The following DNAJA3 variants were observed in gnomAD, a reference collection of about 807,000 sequenced individuals.
DNAJA3 encodes dnaJ homolog subfamily A member 3, mitochondrial.
Under a neutral mutation model 54.9 loss-of-function variants are expected in DNAJA3, and 29 were observed. That is an observed-to-expected ratio of 0.53 (90% CI 0.39 to 0.72). DNAJA3 has a LOEUF of 0.72. DNAJA3 is among the 30% of genes least tolerant of loss of function. The probability of loss-of-function intolerance (pLI) is 0.00; values close to 1 mark genes in which losing one functional copy is unlikely to be tolerated. For synonymous variants in DNAJA3, 302 were observed against 251.4 expected, an observed-to-expected ratio of 1.20 and a Z score of -1.90; for missense variants, 708 against 639.4, an observed-to-expected ratio of 1.11 and a Z score of -1.16.
intron 10 of DNAJA3, among the ~76,000 whole-genome samples, chr16:4,452,864 C>T (rs1228942373): frequency 3.3e-5 from 5 of 152,142 alleles, no homozygotes. Context: ...TGAGTCATGA[C>T]AGCGACACTG....
intron 1 of DNAJA3, among the ~76,000 whole-genome samples, chr16:4,429,697 G>C (rs1246915573): frequency 6.6e-6 from 1 of 152,168 alleles, no homozygotes; most frequent in African/African-American, 2.4e-5. Flanking sequence ...AGCCAGGCCT[G>C]GTGGCGCATG....
intron 3 of DNAJA3, among the ~76,000 whole-genome samples, chr16:4,438,308 C>T (rs1055051879): frequency 4.6e-5 from 7 of 151,234 alleles, no homozygotes; most frequent in African/African-American, 1.7e-4. Context: ...CAGAGCAAGA[C>T]CCCGTCTCAA....
At position 4,454,927 on chromosome 16, in the gene DNAJA3, G is replaced by A. The variant is rs202163191; in HGVS notation, c.*13G>A. On this transcript the variant is annotated splice_region_variant and 3_prime_UTR_variant, in exon 11 of 12. Transcript: ENST00000262375. ...GTTTACCTCATGATATCCCAGCCGA[G>A]GTAGGAAAACCCTGGAGGTTTTTTT... 20 of 1,603,536 alleles carry A rather than the reference G, an allele frequency of 1.2e-5. No homozygotes were observed. In the Admixed American group the frequency reaches 2.7e-4, roughly 21 times the overall value.
chr16:4,445,670 G>A (rs1414052582), intron 7 of DNAJA3, among the ~76,000 whole-genome samples: 5 of 152,152 alleles, frequency 3.3e-5, no homozygotes. Context: ...TCCCACCTCA[G>A]CCTCCTGAGT....
At chr16:4,449,091 G>C (rs2056944126) in intron 9 of DNAJA3, among the ~76,000 whole-genome samples, 2 of 151,910 alleles carry the variant, frequency 1.3e-5, no homozygotes, top group Non-Finnish European at 2.9e-5. Flanking sequence ...CCGCTTCCCA[G>C]GTTCAAGCGA....
chr16:4,430,271 A>C (rs1340916444), intron 1 of DNAJA3, among the ~76,000 whole-genome samples: 1 of 152,042 alleles, frequency 6.6e-6, no homozygotes, highest in Non-Finnish European at 1.5e-5. Flanking sequence ...AAGCAGAAAG[A>C]AAGCAGTTGT....
intron 7 of DNAJA3, among the ~76,000 whole-genome samples, chr16:4,445,945 A>G (rs1462982505): frequency 1.3e-5 from 2 of 150,644 alleles, no homozygotes; most frequent in Admixed American, 6.7e-5. Context: ...TTCTGGAAAG[A>G]GAGTCTTGCT....
intron 10 of DNAJA3, 41 bp from the exon 11 acceptor site, chr16:4,454,770 G>A (rs781101300): frequency 1.1e-5 from 17 of 1,479,258 alleles, no homozygotes; most frequent in Admixed American, 1.7e-5. Flanking sequence ...CTGTGGAAGT[G>A]CAGGCCCATG....
In DNAJA3 at chr16:4,448,774, T is replaced by A. The variant is rs1281815698; in HGVS notation, c.1167T>A (p.Gly389=). The change falls in exon 9 of 12, where the codon GGT becomes GGA. Residue 389 remains glycine (G), a synonymous_variant. Coordinates refer to ENST00000262375, the MANE Select transcript of DNAJA3 (RefSeq NM_005147.6). ...GTQTDQKIRM[G]GKGIPRINSY... ...AGACAGACCAGAAGATTCGGATGGG[T>A]GGGAAAGGCATCCCCCGGATTAACA... 6.2e-7 allele frequency: 1 copy of A among 1,614,096 alleles called. No homozygotes were observed.
intron 7 of DNAJA3, among the ~76,000 whole-genome samples, chr16:4,446,497 G>A (rs1315806566): frequency 1.3e-5 from 2 of 151,854 alleles, no homozygotes; most frequent in Non-Finnish European, 2.9e-5. Flanking sequence ...ACTCACCTTG[G>A]CCTCCCAAAG....
Position 4,437,466 on chromosome 16 carries a change from A to G in DNAJA3, c.410A>G (p.Gln137Arg). Residue 137 changes from glutamine to arginine, a missense_variant, in exon 3 of 12, where the codon CAG becomes CGG. Transcript: ENST00000262375. Reference sequence around the variant, plus strand: ...CCCAAAGCCAAGGAGAAGTTCTCCCAGCTGGCAGAAGCCTATGAGGTAATA... The same window carrying G: ...CCCAAAGCCAAGGAGAAGTTCTCCCGGCTGGCAGAAGCCTATGAGGTAATA... ...DDPKAKEKFS[Q>R]LAEAYEVLSD... 6.2e-7 allele frequency: 1 copy of G among 1,614,068 alleles called. No individual in the cohort carries two copies. The highest frequency in any genetic ancestry group is 8.5e-7 in the Non-Finnish European group (1 of 1,179,994).
intron 3 of DNAJA3, among the ~76,000 whole-genome samples, chr16:4,440,088 C>G (rs2056820685): frequency 6.6e-6 from 1 of 151,906 alleles, no homozygotes; most frequent in Non-Finnish European, 1.5e-5. Context: ...TAGGCGTGCA[C>G]CACCATTCTT....
intron 11 of DNAJA3, 62 bp from the exon 12 acceptor site, chr16:4,455,484 C>A (rs757114353): frequency 1.9e-6 from 3 of 1,540,544 alleles, no homozygotes; most frequent in Non-Finnish European, 2.6e-6. Context: ...CAGACGCTCC[C>A]CACAGGGGTG....
intron 1 of DNAJA3, among the ~76,000 whole-genome samples, chr16:4,432,205 A>C (rs1392701123): frequency 6.7e-6 from 1 of 149,550 alleles, no homozygotes; most frequent in South Asian, 2.1e-4. Context: ...ATTTATTTTT[A>C]ATAGAGACAG....
intron 10 of DNAJA3, among the ~76,000 whole-genome samples, chr16:4,451,475 G>T (rs1041366226): frequency 6.6e-6 from 1 of 151,962 alleles, no homozygotes; most frequent in Non-Finnish European, 1.5e-5. Flanking sequence ...AGCAGCTGCC[G>T]GCCGGGCGCA....
At chr16:4,434,354 GA>G in intron 1 of DNAJA3, 29 bp from the exon 2 acceptor site, 1 of 1,608,760 alleles carries the variant, frequency 6.2e-7, no homozygotes, top group Non-Finnish European at 8.5e-7. Flanking sequence ...AACATTCCCA[GA>G]GTGATTTTCT....
intron 1 of DNAJA3, among the ~76,000 whole-genome samples, chr16:4,431,426 C>A (rs1011536756): frequency 3.3e-5 from 5 of 152,180 alleles, no homozygotes; most frequent in African/African-American, 1.2e-4. Context: ...GGATTTATTT[C>A]CTATTTCTAA....
intron 3 of DNAJA3, among the ~76,000 whole-genome samples, chr16:4,439,173 CA>C (rs1470293946): frequency 4.6e-5 from 7 of 151,820 alleles, no homozygotes; most frequent in Non-Finnish European, 1.0e-4. Context: ...CCAGCCTGAG[CA>C]ATATGGTGAA....
chr16:4,452,870 C>T (rs1014524513), intron 10 of DNAJA3, among the ~76,000 whole-genome samples: 3 of 152,152 alleles, frequency 2.0e-5, no homozygotes, highest in Non-Finnish European at 4.4e-5. Context: ...ATGACAGCGA[C>T]ACTGTACTCC....
Sources: gnomAD v4.1 joint callset for allele counts (sites outside exome capture counted in the v4.1 genomes callset) on GRCh38, gnomAD v4.1.1 for gene constraint, MANE v1.5 for transcripts, NCBI Gene and HGNC (gene_info 2026-07-23, HGNC 2026-07-21) for gene names.